SLC25A26: variants seen among roughly 807,000 people sequenced by gnomAD.
SLC25A26 encodes the protein mitochondrial S-adenosylmethionine carrier protein.
A neutral mutation model predicts 37.8 loss-of-function variants in SLC25A26; 36 were observed. That is an observed-to-expected ratio of 0.95 (90% CI 0.73 to 1.26). The LOEUF (loss-of-function observed/expected upper bound fraction) is 1.26, where lower values mean the gene tolerates loss of function less well. Among genes scored for constraint, SLC25A26 ranks in the 50% most tolerant of loss-of-function variants. The pLI, the probability that SLC25A26 is intolerant of heterozygous loss-of-function variation, is 0.00. For missense variants in SLC25A26, 390 were observed against 331.1 expected, an observed-to-expected ratio of 1.18 and a Z score of -1.38; for synonymous variants, 129 against 122.5, an observed-to-expected ratio of 1.05 and a Z score of -0.35.
At chr3:66,352,052 C>T (rs373769849) in intron 6 of SLC25A26, among the ~76,000 whole-genome samples, 1 of 151,836 alleles carries the variant, frequency 6.6e-6, no homozygotes, top group Non-Finnish European at 1.5e-5. Context: ...AGTTTGAGAC[C>T]AGCCTGGGCA....
At chr3:66,183,497 A>G (rs1363753801) in intron 1 of SLC25A26, among the ~76,000 whole-genome samples, 1 of 151,508 alleles carries the variant, frequency 6.6e-6, no homozygotes, top group Non-Finnish European at 1.5e-5. Context: ...TGACCCTCAC[A>G]CTTACCCTCT....
chr3:66,135,451 A>G (rs1287116306), intron 1 of SLC25A26, among the ~76,000 whole-genome samples: 1 of 152,176 alleles, frequency 6.6e-6, no homozygotes, highest in Non-Finnish European at 1.5e-5. Context: ...TGTTGGCAAT[A>G]TTTTAATGTG....
intron 6 of SLC25A26, among the ~76,000 whole-genome samples, chr3:66,352,680 G>C (rs2076485774): frequency 6.6e-6 from 1 of 151,904 alleles, no homozygotes; most frequent in African/African-American, 2.4e-5. Flanking sequence ...TACGTGCCAG[G>C]CATTTTCCAG....
At chr3:66,226,472 C>T (rs528448608) in intron 1 of SLC25A26, among the ~76,000 whole-genome samples, 24 of 151,942 alleles carry the variant, frequency 1.6e-4, no homozygotes, top group Middle Eastern at 6.8e-3. Flanking sequence ...ATTTCATGTG[C>T]GTTCTTTTCT....
At chr3:66,328,844 A>G (rs1487787051) in intron 5 of SLC25A26, among the ~76,000 whole-genome samples, 1 of 152,100 alleles carries the variant, frequency 6.6e-6, no homozygotes, top group Non-Finnish European at 1.5e-5. Flanking sequence ...AAGAAATTTA[A>G]TATTTCTTTA....
At chr3:66,264,051 A>G (rs1324210609) in intron 5 of SLC25A26, among the ~76,000 whole-genome samples, 1 of 152,136 alleles carries the variant, frequency 6.6e-6, no homozygotes. Flanking sequence ...AGGCCGAGGC[A>G]GAAAGATCAC....
exon 1 of SLC25A26, chr3:66,133,710 G>A (rs572753839): frequency 6.6e-6 from 1 of 152,322 alleles, no homozygotes; most frequent in South Asian, 2.1e-4. Flanking sequence ...ATACAAGGAT[G>A]AAGGGCTGAG....
intron 5 of SLC25A26, among the ~76,000 whole-genome samples, chr3:66,345,306 C>A (rs2076294025): frequency 6.6e-6 from 1 of 152,190 alleles, no homozygotes; most frequent in Non-Finnish European, 1.5e-5. Context: ...TTCCCACTGG[C>A]TGCTCTGTTC....
chr3:66,253,075 C>G (rs536041608), intron 3 of SLC25A26, among the ~76,000 whole-genome samples: 2 of 129,848 alleles, frequency 1.5e-5, no homozygotes, highest in African/African-American at 5.7e-5. Flanking sequence ...GAATGTGTTT[C>G]TTCACACGGG....
intron 1 of SLC25A26, among the ~76,000 whole-genome samples, chr3:66,154,162 C>G (rs2106697635): frequency 6.6e-6 from 1 of 152,220 alleles, no homozygotes; most frequent in East Asian, 1.9e-4. Context: ...GGGTATGAGA[C>G]CGCAGATCTC....
chr3:66,158,117 C>T (rs1464797414), intron 1 of SLC25A26, among the ~76,000 whole-genome samples: 1 of 152,160 alleles, frequency 6.6e-6, no homozygotes, highest in Non-Finnish European at 1.5e-5. Context: ...GCCAAAAATC[C>T]AACTCCACAG....
chr3:66,305,746 AG>A (rs886582473), intron 5 of SLC25A26, among the ~76,000 whole-genome samples: 2 of 152,122 alleles, frequency 1.3e-5, no homozygotes, highest in African/African-American at 4.8e-5. Context: ...TATTGTGAAT[AG>A]TGCTGCAGTG....
At chr3:66,236,861 C>T (rs908281220) in intron 2 of SLC25A26, 161 bp downstream of exon 2, 6 of 272,064 alleles carry the variant, frequency 2.2e-5, no homozygotes, top group South Asian at 1.4e-4. Flanking sequence ...ATTTTAGTCA[C>T]GGTCTCACTT....
intron 9 of SLC25A26, among the ~76,000 whole-genome samples, chr3:66,371,836 C>A (rs764986443): frequency 3.3e-5 from 5 of 152,172 alleles, no homozygotes; most frequent in Non-Finnish European, 5.9e-5. Flanking sequence ...GGGGCTCACA[C>A]CTGTAATCCC....
At position 66,264,626 on chromosome 3, in the gene SLC25A26, G is replaced by A. The variant is rs368405536; in HGVS notation, c.453+1247G>A. The stretch of plus-strand genomic sequence containing the variant: ...TATGAGAATCTAATGCATGATGATC[G>A]GAGGTGGAACATCTTAGGTGGAACA... On this transcript the variant is annotated intron_variant, in intron 5 of 9. Transcript: ENST00000354883. Among the ~76,000 whole-genome samples, 36 of 152,288 alleles carry A rather than the reference G, an allele frequency of 2.4e-4. No homozygotes were observed. In the South Asian group the frequency reaches 4.8e-3, roughly 20 times the overall value.
chr3:66,236,494 T>G (rs1204085573), intron 1 of SLC25A26, 50 bp from the exon 2 acceptor site: 6 of 1,408,806 alleles, frequency 4.3e-6, no homozygotes, highest in Non-Finnish European at 5.6e-6. Context: ...GAGAGCTTAT[T>G]TTGTTGTAAC....
At position 66,150,545 on chromosome 3, in the gene SLC25A26, A is replaced by AT. The variant is rs1559551802; in HGVS notation, c.-354+16561_-354+16562insT. On this transcript the variant is annotated intron_variant, in intron 1 of 10. Coordinates refer to the SLC25A26 transcript ENST00000676754. ...TAATGATATATATATATATATATAT[A>AT]AAATATATATAATGATATATATAAA... is the stretch of plus-strand genomic sequence containing the variant. Among the ~76,000 whole-genome samples, 429 of 130,358 alleles carry AT rather than the reference A, an allele frequency of 3.3e-3. 8 individuals are homozygous for AT. Among genetic ancestry groups the AT allele is most frequent in the African/African-American group, 0.012 (410 of 35,062 alleles). 85.5% of individuals were successfully genotyped at this position (130,358 alleles called of 152,430 possible). A position where few individuals can be genotyped will look rare whatever the true frequency, so the allele number is the denominator to read the frequency against.
At chr3:66,199,842 G>A (rs2071087364) in intron 1 of SLC25A26, among the ~76,000 whole-genome samples, 1 of 152,076 alleles carries the variant, frequency 6.6e-6, no homozygotes. Flanking sequence ...CTTATGCAGA[G>A]TTGATCCTAA....
At chr3:66,299,887 T>A (rs2075022218) in intron 5 of SLC25A26, among the ~76,000 whole-genome samples, 1 of 152,212 alleles carries the variant, frequency 6.6e-6, no homozygotes, top group Non-Finnish European at 1.5e-5. Flanking sequence ...TTTTTCACAT[T>A]TTATGGGTGA....
Sources: allele counts gnomAD v4.1 joint callset (sites outside exome capture counted in the v4.1 genomes callset), GRCh38; gene constraint gnomAD v4.1.1; transcripts MANE v1.5; gene names NCBI Gene and HGNC (gene_info 2026-07-23, HGNC 2026-07-21).